DYNC2H1: variants seen among roughly 807,000 people sequenced by gnomAD.
DYNC2H1 encodes the protein cytoplasmic dynein 2 heavy chain 1.
DYNC2H1 carries 410 observed loss-of-function variants against 570.0 expected under a neutral mutation model. The ratio of observed to expected loss-of-function variants is 0.72; its 90% CI spans 0.66 to 0.78. The LOEUF (loss-of-function observed/expected upper bound fraction) is 0.78. Among genes scored for constraint, DYNC2H1 ranks in the 30% least tolerant of loss-of-function variants. DYNC2H1 has a pLI of 0.00. For missense variants in DYNC2H1, 4,865 were observed against 5,046.4 expected, an observed-to-expected ratio of 0.96 and a Z score of 1.09; for synonymous variants, 1,688 against 1,677.6, an observed-to-expected ratio of 1.01 and a Z score of -0.15.
chr11:103,117,332 G>A (rs996031802), intron 5 of DYNC2H1, among the ~76,000 whole-genome samples: 1 of 149,068 alleles, frequency 6.7e-6, no homozygotes, highest in African/African-American at 2.5e-5. Context: ...ACAACGTGCA[G>A]GTTTGTTACA....
intron 84 of DYNC2H1, among the ~76,000 whole-genome samples, chr11:103,427,864 C>G (rs1943728539): frequency 6.6e-6 from 1 of 151,996 alleles, no homozygotes; most frequent in Admixed American, 6.6e-5. Context: ...CAAATATTAA[C>G]TAAATCGCTT....
At chr11:103,429,912 A>G (rs1047415993) in intron 84 of DYNC2H1, among the ~76,000 whole-genome samples, 1 of 152,178 alleles carries the variant, frequency 6.6e-6, no homozygotes, top group Non-Finnish European at 1.5e-5. Context: ...GTTTGAAATA[A>G]ATTGCAGTTA....
chr11:103,142,891 T>G (rs1860028870), intron 17 of DYNC2H1, among the ~76,000 whole-genome samples: 1 of 152,234 alleles, frequency 6.6e-6, no homozygotes, highest in East Asian at 1.9e-4. Flanking sequence ...GTTTCTTAAC[T>G]GCCACTGCAA....
chr11:103,409,129 G>A (rs1709147), intron 84 of DYNC2H1, among the ~76,000 whole-genome samples: 77,156 of 151,812 alleles, frequency 0.51, 19,895 homozygotes, highest in African/African-American at 0.61. Context: ...GCTAGAGGTG[G>A]TGTTTTTGGT....
Position 103,304,636 on chromosome 11 carries a change from G to C in DYNC2H1, c.11298G>C (p.Met3766Ile), listed in dbSNP as rs1307883922. The change falls in exon 77 of 89, where the codon ATG (methionine) becomes ATC (isoleucine). Residue 3766 changes from methionine (M) to isoleucine (I), a missense_variant. By Grantham distance (10) the Met-to-Ile change is conservative. Around this residue, in one of 5 missense-constraint regions of DYNC2H1, gnomAD observed 2,401 missense variants for 2,454.6 expected, o/e 0.98. Coordinates refer to ENST00000375735, the MANE Select transcript of DYNC2H1 (RefSeq NM_001377.3). ...GTCAAGCTGATTTAGCAATTCAAAT[G>C]CTAAAAGAATGTGCCCGCAATGGAG... ...GQGQADLAIQ[M>I]LKECARNGDW... is the part of the protein sequence containing the mutation. 2.5e-6 allele frequency: 4 copies of C among 1,613,318 alleles called. No individual in the cohort carries two copies. The East Asian group carries it at 8.9e-5, about 36-fold the overall frequency.
rs1391426700 is a variant in DYNC2H1, at chr11:103,326,942, T to C, written c.12039+2952T>C. Among the ~76,000 whole-genome samples the C allele has an allele frequency of 6.6e-6, 1 of 152,098 alleles. No individual in the cohort carries two copies. Among genetic ancestry groups the C allele is most frequent in the East Asian group, 1.9e-4 (1 of 5,184 alleles). Reference sequence around the variant, plus strand: ...CAGCTGAAGCACTGTTTCTGCCTAGTCTCCAGGCAGATCCTCCACCAGCTC... The same window carrying C: ...CAGCTGAAGCACTGTTTCTGCCTAGCCTCCAGGCAGATCCTCCACCAGCTC... On this transcript the variant is annotated intron_variant, in intron 82 of 88. Coordinates refer to ENST00000375735, the MANE Select transcript of DYNC2H1 (RefSeq NM_001377.3). The surrounding 1 kb of genome is among the most constrained non-coding windows in gnomAD (Gnocchi z 6.1).
chr11:103,330,976 G>C (rs1014217177), intron 82 of DYNC2H1, among the ~76,000 whole-genome samples: 1 of 152,112 alleles, frequency 6.6e-6, no homozygotes, highest in African/African-American at 2.4e-5. Flanking sequence ...AAAGAGCATT[G>C]TTTCTACTCT....
rs1565436892 is a variant in DYNC2H1, at chr11:103,256,164, A to G, written c.10385A>G (p.Asn3462Ser). 5 of 1,609,004 alleles carry G rather than the reference A, an allele frequency of 3.1e-6. No homozygotes were observed. Among genetic ancestry groups the G allele is most frequent in the Non-Finnish European group, 3.4e-6 (4 of 1,177,280 alleles). ...AATAAGGATTTGATTGAGTCTTTGA[A>G]TCAGACAAAAGCAAGCAGTGCACTT... ...LENKDLIESL[N>S]QTKASSALIQ... The change falls in exon 68 of 89, where the codon AAT becomes AGT. Residue 3462 changes from asparagine (N) to serine (S), a missense_variant. This residue lies in a region of DYNC2H1 where 2,401 missense variants were observed against 2,454.6 expected (regional missense o/e 0.98). Transcript: ENST00000375735. This position sits in a 1 kb window ranked among gnomAD's most constrained non-coding sequence, Gnocchi z 4.0.
chr11:103,477,132 G>A (rs1401496886), intron 88 of DYNC2H1, among the ~76,000 whole-genome samples: 1 of 152,212 alleles, frequency 6.6e-6, no homozygotes, highest in Non-Finnish European at 1.5e-5. Flanking sequence ...GGAGCTCCTA[G>A]ACAAGTACTC....
intron 54 of DYNC2H1, among the ~76,000 whole-genome samples, chr11:103,212,558 G>A (rs1252189444): frequency 6.6e-6 from 1 of 151,982 alleles, no homozygotes; most frequent in Non-Finnish European, 1.5e-5. Flanking sequence ...ATAAAGTAAT[G>A]TTTTCATCCA....
intron 26 of DYNC2H1, among the ~76,000 whole-genome samples, chr11:103,158,317 C>T (rs1450294942): frequency 2.0e-5 from 3 of 152,220 alleles, no homozygotes; most frequent in East Asian, 3.9e-4. Flanking sequence ...GGCGCGGTGG[C>T]GGGTGCCTGT....
intron 47 of DYNC2H1, 23 bp from the exon 48 acceptor site, chr11:103,197,910 A>C: frequency 1.3e-6 from 2 of 1,557,864 alleles, no homozygotes; most frequent in Non-Finnish European, 8.7e-7. Context: ...CATATAAAAC[A>C]AAAATATCAT....
chr11:103,458,924 G>A (rs999132962), intron 87 of DYNC2H1, among the ~76,000 whole-genome samples: 1 of 151,806 alleles, frequency 6.6e-6, no homozygotes, highest in African/African-American at 2.4e-5. Context: ...CACCTTCCTC[G>A]GCCTCCCAAA....
intron 15 of DYNC2H1, among the ~76,000 whole-genome samples, chr11:103,134,776 T>G (rs1859453038): frequency 6.6e-6 from 1 of 152,114 alleles, no homozygotes; most frequent in East Asian, 1.9e-4. Flanking sequence ...TCCTAATGAT[T>G]GGAATAATTT....
Position 103,235,794 on chromosome 11 carries a change from C to A in DYNC2H1, c.9690C>A (p.Thr3230=). ...SLRKTCLEEW[T]KSAGLEKFDL... is the part of the protein sequence containing the mutation. ...GAAAAACCTGTTTGGAAGAATGGAC[C>A]AAGTCAGCTGGTCTTGAGAGTTTGT... Residue 3230 remains threonine, a synonymous_variant, in exon 62 of 89, where the codon ACC becomes ACA. Coordinates refer to ENST00000375735, the MANE Select transcript of DYNC2H1 (RefSeq NM_001377.3). 1 of 1,611,378 alleles carries A rather than the reference C, an allele frequency of 6.2e-7. No homozygotes were observed. Among genetic ancestry groups the A allele is most frequent in the South Asian group, 1.1e-5 (1 of 90,952 alleles).
chr11:103,405,085 G>A (rs944488482), intron 84 of DYNC2H1: 1 of 151,744 alleles, frequency 6.6e-6, no homozygotes, highest in African/African-American at 2.4e-5. Flanking sequence ...GTTGCGATAT[G>A]GGAGATTATT....
At chr11:103,301,333 A>G (rs1867037587) in intron 75 of DYNC2H1, among the ~76,000 whole-genome samples, 1 of 151,944 alleles carries the variant, frequency 6.6e-6, no homozygotes, top group Non-Finnish European at 1.5e-5. Flanking sequence ...TTCTTAAGTT[A>G]TTCTAATTTT....
intron 83 of DYNC2H1, among the ~76,000 whole-genome samples, chr11:103,358,972 G>T (rs149250522): frequency 6.6e-6 from 1 of 152,252 alleles, no homozygotes; most frequent in East Asian, 1.9e-4. Context: ...TTATTGCAAA[G>T]ATCTCATCTT....
At chr11:103,333,237 T>C (rs1296946215) in intron 82 of DYNC2H1, among the ~76,000 whole-genome samples, 2 of 152,252 alleles carry the variant, frequency 1.3e-5, no homozygotes, top group South Asian at 2.1e-4. Flanking sequence ...GTAAAAAAAG[T>C]AGAATTATTA....
Sources: allele counts gnomAD v4.1 joint callset (sites outside exome capture counted in the v4.1 genomes callset), GRCh38; gene constraint gnomAD v4.1.1; regional missense constraint gnomAD v4.1.1; non-coding constraint Gnocchi (gnomAD v3.1); transcripts MANE v1.5; gene names NCBI Gene and HGNC (gene_info 2026-07-23, HGNC 2026-07-21).